The following DLGAP2 variants were observed in gnomAD, a reference collection of about 807,000 sequenced individuals.
The protein encoded by DLGAP2 is DLG associated protein 2, also known as disks large-associated protein 2.
In DLGAP2, 26 loss-of-function variants were observed where a neutral mutation model predicts 100.3. The ratio of observed to expected loss-of-function variants is 0.26; its 90% CI spans 0.19 to 0.36. DLGAP2 has a LOEUF of 0.36. DLGAP2 is among the 10% of genes least tolerant of loss of function. The pLI is 1.00. For missense variants in DLGAP2, 1,858 were observed against 1,453.2 expected (o/e 1.28, Z -4.53); for synonymous variants, 886 against 630.1 (o/e 1.41, Z -6.08).
chr8:1,387,029 G>A (rs565607554), intron 3 of DLGAP2, among the ~76,000 whole-genome samples: 11 of 152,222 alleles, frequency 7.2e-5, no homozygotes, highest in East Asian at 3.9e-4. Context: ...TTAATTGGAC[G>A]TCATATTGGT....
intron 1 of DLGAP2, among the ~76,000 whole-genome samples, chr8:838,502 C>A (rs985247310): frequency 1.3e-5 from 2 of 151,858 alleles, no homozygotes; most frequent in African/African-American, 2.4e-5. Context: ...ATATATGGGT[C>A]TTCAGGAATT....
At chr8:1,179,829 T>A (rs746066338) in intron 2 of DLGAP2, among the ~76,000 whole-genome samples, 17 of 152,154 alleles carry the variant, frequency 1.1e-4, no homozygotes, top group Non-Finnish European at 1.8e-4. Context: ...TTATACCCAG[T>A]GATTGCTAAG....
chr8:1,420,024 A>G (rs570524519), intron 3 of DLGAP2, among the ~76,000 whole-genome samples: 1 of 152,324 alleles, frequency 6.6e-6, no homozygotes, highest in African/African-American at 2.4e-5. Context: ...AGGGTTTTTT[A>G]TGTAGACTTT....
intron 8 of DLGAP2, among the ~76,000 whole-genome samples, chr8:1,647,465 G>A (rs1798066502): frequency 8.4e-6 from 1 of 118,564 alleles, no homozygotes; most frequent in South Asian, 2.8e-4. Context: ...CTCCAGCCTG[G>A]GAGACAGAGA....
chr8:1,040,777 T>C (rs990095176), intron 2 of DLGAP2, among the ~76,000 whole-genome samples: 14 of 152,116 alleles, frequency 9.2e-5, no homozygotes, highest in Non-Finnish European at 5.9e-5. Context: ...TGCTTTGGGC[T>C]GTGAAAATGC....
chr8:1,575,248 C>T (rs1423683279), intron 6 of DLGAP2, among the ~76,000 whole-genome samples: 4 of 151,902 alleles, frequency 2.6e-5, no homozygotes, highest in Non-Finnish European at 4.4e-5. Flanking sequence ...GGAAGGCAGA[C>T]GTGAATGGAA....
At chr8:1,536,374 C>T (rs1046388080) in intron 4 of DLGAP2, among the ~76,000 whole-genome samples, 19 of 152,114 alleles carry the variant, frequency 1.2e-4, no homozygotes, top group Non-Finnish European at 2.5e-4. Context: ...ATTTCATACC[C>T]GAGAACCAAT....
At chr8:1,434,188 T>C (rs966218482) in intron 3 of DLGAP2, among the ~76,000 whole-genome samples, 6 of 152,138 alleles carry the variant, frequency 3.9e-5, no homozygotes, top group African/African-American at 1.2e-4. Flanking sequence ...CCGCTCTCTC[T>C]TTCTGGGTGG....
At chr8:950,622 C>CTTTTT (rs34631994) in intron 2 of DLGAP2, among the ~76,000 whole-genome samples, 3 of 130,510 alleles carry the variant, frequency 2.3e-5, no homozygotes, top group African/African-American at 5.7e-5. Context: ...TTTTCTTTTT[C>CTTTTT]TTTTTTTTTT....
intron 3 of DLGAP2, among the ~76,000 whole-genome samples, chr8:1,408,095 A>G (rs1404040379): frequency 2.0e-5 from 3 of 152,238 alleles, no homozygotes; most frequent in Non-Finnish European, 4.4e-5. Flanking sequence ...TCGTCTCCTG[A>G]GAACAGCTGG....
At chr8:878,672 A>T (rs1184426341) in intron 1 of DLGAP2, among the ~76,000 whole-genome samples, 2 of 152,020 alleles carry the variant, frequency 1.3e-5, no homozygotes, top group Non-Finnish European at 2.9e-5. Context: ...CCTCATGGAG[A>T]GATTAAATGC....
At chr8:805,833 A>G (rs1305731552) in intron 1 of DLGAP2, among the ~76,000 whole-genome samples, 1 of 152,246 alleles carries the variant, frequency 6.6e-6, no homozygotes, top group African/African-American at 2.4e-5. Flanking sequence ...CTGCGCTGTG[A>G]TTTTTAAACG....
chr8:820,811 T>C (rs532866605), intron 1 of DLGAP2, among the ~76,000 whole-genome samples: 2 of 152,338 alleles, frequency 1.3e-5, no homozygotes, highest in South Asian at 2.1e-4. Flanking sequence ...ATAACCTAAA[T>C]ACTCAAGAGT....
intron 4 of DLGAP2, among the ~76,000 whole-genome samples, chr8:1,509,214 C>A (rs1408400212): frequency 2.6e-5 from 4 of 151,768 alleles, no homozygotes; most frequent in Non-Finnish European, 5.9e-5. Flanking sequence ...GCCTGTAATC[C>A]CAGCTACTCG....
intron 6 of DLGAP2, among the ~76,000 whole-genome samples, chr8:1,571,462 T>G (rs1368344918): frequency 1.1e-4 from 8 of 73,124 alleles, no homozygotes; most frequent in East Asian, 4.7e-4. Context: ...GAGAGAGGGG[T>G]GAACTGTGGG....
chr8:1,254,262 CG>C (rs895361201), intron 2 of DLGAP2, among the ~76,000 whole-genome samples: 2 of 152,194 alleles, frequency 1.3e-5, no homozygotes, highest in Non-Finnish European at 2.9e-5. Context: ...GGGGGAACCC[CG>C]GGCACATCCA....
chr8:1,417,020 C>T (rs1161736011), intron 3 of DLGAP2, among the ~76,000 whole-genome samples: 1 of 103,742 alleles, frequency 9.6e-6, no homozygotes, highest in African/African-American at 4.4e-5. Context: ...GTCACTCCTC[C>T]GAGCAGCCGT....
intron 8 of DLGAP2, among the ~76,000 whole-genome samples, chr8:1,653,857 A>G (rs563010888): frequency 1.3e-5 from 2 of 152,270 alleles, no homozygotes; most frequent in South Asian, 2.1e-4. Context: ...TTTAGGATAT[A>G]TTCATTTGAC....
At chr8:1,646,835 G>A (rs1798050544) in intron 8 of DLGAP2, among the ~76,000 whole-genome samples, 1 of 152,122 alleles carries the variant, frequency 6.6e-6, no homozygotes, top group Admixed American at 6.5e-5. Context: ...TCCCCTTCTG[G>A]AAAGGAGAAC....
Sources: gnomAD v4.1 joint callset for allele counts (sites outside exome capture counted in the v4.1 genomes callset) on GRCh38, gnomAD v4.1.1 for gene constraint, MANE v1.5 for transcripts, NCBI Gene and HGNC (gene_info 2026-07-23, HGNC 2026-07-21) for gene names.